The following MAPK10 variants were observed in gnomAD, a reference collection of about 807,000 sequenced individuals.
The protein encoded by MAPK10 is JNK3 alpha protein kinase.
In MAPK10, 25 loss-of-function variants were observed where a neutral mutation model predicts 59.3. The observed-to-expected ratio is 0.42, with a 90% CI of 0.31 to 0.59. The LOEUF (loss-of-function observed/expected upper bound fraction) is 0.59, where lower values mean the gene tolerates loss of function less well. MAPK10 is among the 20% of genes least tolerant of loss of function. The pLI is 0.15. For missense variants in MAPK10, 351 were observed against 568.9 expected (o/e 0.62, Z 3.90); for synonymous variants, 190 against 200.5 (o/e 0.95, Z 0.44).
At chr4:86,033,957 CT>C (rs1462374413) in intron 11 of MAPK10, among the ~76,000 whole-genome samples, 1 of 152,102 alleles carries the variant, frequency 6.6e-6, no homozygotes, top group Non-Finnish European at 1.5e-5. Flanking sequence ...TCCCTGCCTC[CT>C]TCCGCTAAGG....
chr4:86,560,814 G>T (rs1228533380), intron 1 of MAPK10, among the ~76,000 whole-genome samples: 1 of 152,226 alleles, frequency 6.6e-6, no homozygotes, highest in Non-Finnish European at 1.5e-5. Context: ...TTTTCATACA[G>T]TTAATGGATT....
intron 3 of MAPK10, chr4:86,160,431 C>T (rs1388625299): frequency 2.0e-5 from 3 of 151,984 alleles, no homozygotes; most frequent in Admixed American, 1.3e-4. Context: ...CCCACATTTT[C>T]TGTGGGTTCC....
intron 2 of MAPK10, among the ~76,000 whole-genome samples, chr4:86,262,397 C>A (rs1036658634): frequency 6.6e-6 from 1 of 152,102 alleles, no homozygotes; most frequent in African/African-American, 2.4e-5. Context: ...TTTCCAGTAC[C>A]CTGTTGTAGC....
intron 1 of MAPK10, among the ~76,000 whole-genome samples, chr4:86,516,021 G>A (rs1756637866): frequency 6.6e-6 from 1 of 151,994 alleles, no homozygotes; most frequent in African/African-American, 2.4e-5. Flanking sequence ...TCAGGTCTTA[G>A]ATTTAAGTTT....
At chr4:86,170,751 C>A in intron 3 of MAPK10, among the ~76,000 whole-genome samples, 1 of 151,326 alleles carries the variant, frequency 6.6e-6, no homozygotes, top group Non-Finnish European at 1.5e-5. Context: ...AACTCTCCAC[C>A]CCAAATCAAC....
chr4:86,062,037 C>T (rs1277719608), intron 11 of MAPK10, among the ~76,000 whole-genome samples: 1 of 152,134 alleles, frequency 6.6e-6, no homozygotes, highest in East Asian at 1.9e-4. Flanking sequence ...GCATAGCTGA[C>T]TACTGATTCT....
At chr4:86,590,832 AACTT>A (rs536140668) in intron 1 of MAPK10, among the ~76,000 whole-genome samples, 27 of 152,174 alleles carry the variant, frequency 1.8e-4, no homozygotes, top group Non-Finnish European at 3.5e-4. Context: ...CTGGATATAT[AACTT>A]ACTTTTAAAA....
intron 1 of MAPK10, among the ~76,000 whole-genome samples, chr4:86,407,915 C>T (rs1304260918): frequency 1.3e-5 from 2 of 151,424 alleles, no homozygotes; most frequent in African/African-American, 4.9e-5. Context: ...TTTTTTATTA[C>T]TATTATACTT....
In MAPK10 at chr4:86,350,291, T is replaced by C. The variant is rs543021605; in HGVS notation, c.-7+4239A>G. 1.5e-3 allele frequency among the ~76,000 whole-genome samples: 228 copies of C among 152,078 alleles called. 1 individual carries two copies. The highest frequency in any genetic ancestry group is 2.7e-3 in the Non-Finnish European group (186 of 67,964). On this transcript the variant is annotated intron_variant, in intron 2 of 13. Coordinates refer to ENST00000641462, the MANE Select transcript of MAPK10 (RefSeq NM_138982.4). ...GTGCAGTGGCACGATCGCGGCTCAC[T>C]GCAACCTCTGCCTCCCAGGTTCAAG...
intron 2 of MAPK10, among the ~76,000 whole-genome samples, chr4:86,248,213 G>T (rs897519450): frequency 6.6e-6 from 1 of 152,076 alleles, no homozygotes; most frequent in Non-Finnish European, 1.5e-5. Flanking sequence ...TGTGTCATTG[G>T]TTTTTTTCTA....
intron 4 of MAPK10, among the ~76,000 whole-genome samples, chr4:86,154,634 G>A (rs1329043606): frequency 3.3e-5 from 5 of 152,006 alleles, no homozygotes; most frequent in Non-Finnish European, 5.9e-5. Flanking sequence ...GCAATTTTAT[G>A]TATCTAGCTT....
At chr4:86,501,554 C>A (rs1398837744) in intron 1 of MAPK10, among the ~76,000 whole-genome samples, 1 of 151,900 alleles carries the variant, frequency 6.6e-6, no homozygotes, top group Non-Finnish European at 1.5e-5. Flanking sequence ...GGAGGGTTCG[C>A]TTTTTTATAA....
chr4:86,049,714 G>A (rs2043164045), intron 11 of MAPK10, among the ~76,000 whole-genome samples: 2 of 152,036 alleles, frequency 1.3e-5, no homozygotes, highest in African/African-American at 4.8e-5. Flanking sequence ...GATTAGTGAT[G>A]CAATTATACC....
intron 1 of MAPK10, among the ~76,000 whole-genome samples, chr4:86,465,070 C>G (rs973747552): frequency 6.6e-6 from 1 of 152,230 alleles, no homozygotes; most frequent in Admixed American, 6.5e-5. Context: ...CATTCCTCAT[C>G]TTTTACAGGA....
At chr4:86,374,722 C>T (rs1188679461) in intron 1 of MAPK10, among the ~76,000 whole-genome samples, 1 of 152,214 alleles carries the variant, frequency 6.6e-6, no homozygotes, top group Admixed American at 6.5e-5. Context: ...TGAGCACAGG[C>T]TCTTTAGGCC....
chr4:86,350,049 C>G (rs1285784626), intron 2 of MAPK10, among the ~76,000 whole-genome samples: 3 of 151,942 alleles, frequency 2.0e-5, no homozygotes, highest in Non-Finnish European at 4.4e-5. Flanking sequence ...TATGACATAT[C>G]ATTTTTTGTT....
At chr4:86,303,836 T>A (rs1004247012) in intron 2 of MAPK10, among the ~76,000 whole-genome samples, 2 of 152,250 alleles carry the variant, frequency 1.3e-5, no homozygotes, top group African/African-American at 4.8e-5. Flanking sequence ...GAACCATTTG[T>A]ATTGCTACAG....
chr4:86,355,972 C>T (rs1221591278), intron 1 of MAPK10, among the ~76,000 whole-genome samples: 2 of 152,046 alleles, frequency 1.3e-5, no homozygotes, highest in Non-Finnish European at 2.9e-5. Flanking sequence ...AGTTTTATTT[C>T]TATGAAGACA....
intron 1 of MAPK10, among the ~76,000 whole-genome samples, chr4:86,538,698 C>T (rs1294206254): frequency 6.6e-6 from 1 of 151,940 alleles, no homozygotes; most frequent in African/African-American, 2.4e-5. Context: ...CAAGGTACTC[C>T]ATAGGATGTT....
Sources: allele counts gnomAD v4.1 joint callset (sites outside exome capture counted in the v4.1 genomes callset), GRCh38; gene constraint gnomAD v4.1.1; transcripts MANE v1.5; gene names NCBI Gene and HGNC (gene_info 2026-07-23, HGNC 2026-07-21).